Variants in LRIF1 observed in about 807,000 individuals in gnomAD.
The protein encoded by LRIF1 is ligand dependent nuclear receptor interacting factor 1, also known as ligand-dependent nuclear receptor-interacting factor 1.
A neutral mutation model predicts 52.7 loss-of-function variants in LRIF1; 32 were observed. The observed-to-expected ratio is 0.61, with a 90% CI of 0.46 to 0.82. LRIF1 has a LOEUF of 0.82. Ranked by LOEUF, LRIF1 falls within the 40% of genes least tolerant of loss-of-function variation. The pLI, the probability that LRIF1 is intolerant of heterozygous loss-of-function variation, is 0.00. For synonymous variants in LRIF1, 323 were observed against 317.4 expected (o/e 1.02, Z -0.19); for missense variants, 887 against 892.0 (o/e 0.99, Z 0.07).
the LRIF1 span, among the ~76,000 whole-genome samples, chr1:110,912,554 A>G: frequency 6.6e-6 from 1 of 152,174 alleles, no homozygotes; most frequent in African/African-American, 2.4e-5. Flanking sequence ...CTGAGAGCCA[A>G]ATCAGGAATG....
the LRIF1 span, among the ~76,000 whole-genome samples, chr1:110,910,627 A>AACAAT: frequency 7.9e-5 from 12 of 152,028 alleles, no homozygotes; most frequent in African/African-American, 1.7e-4. Context: ...AACAAAACAA[A>AACAAT]CCTGAAAATC....
chr1:110,902,055 C>A, the LRIF1 span, among the ~76,000 whole-genome samples: 8 of 152,360 alleles, frequency 5.3e-5, no homozygotes, highest in African/African-American at 1.9e-4. Flanking sequence ...ATTTCATTAA[C>A]TTGCCTGTAT....
chr1:110,914,909 A>G, the LRIF1 span, among the ~76,000 whole-genome samples: 15 of 152,234 alleles, frequency 9.9e-5, no homozygotes, highest in Non-Finnish European at 1.8e-4. Flanking sequence ...GTCATTACAT[A>G]GTAGAATTGA....
At chr1:110,901,326 C>T in the LRIF1 span, among the ~76,000 whole-genome samples, 4 of 151,928 alleles carry the variant, frequency 2.6e-5, no homozygotes, top group African/African-American at 7.2e-5. Flanking sequence ...TACAAGCACA[C>T]GCCACCACGC....
chr1:110,951,319 T>A lies in LRIF1; in HGVS notation c.1565A>T (p.Gln522Leu). ...SSVDATTVTS[Q>L]QCVFRDQEPK... ...TTCTTGGTCTCTGAAAACACACTGT[T>A]GTGAAGTAACAGTTGTTGCATCAAC... is the stretch of plus-strand genomic sequence containing the variant. Residue 522 changes from glutamine to leucine, a missense_variant, in exon 2 of 4, where the codon CAA becomes CTA. Transcript: ENST00000369763. 1 of 1,613,978 alleles carries A rather than the reference T, an allele frequency of 6.2e-7. No individual in the cohort carries two copies. Among genetic ancestry groups the A allele is most frequent in the South Asian group, 1.1e-5 (1 of 91,064 alleles).
At chr1:110,894,250 T>C in the LRIF1 span, 60 of 1,292,890 alleles carry the variant, frequency 4.6e-5, no homozygotes, top group Middle Eastern at 7.3e-4. Flanking sequence ...CAAATGCCCC[T>C]GGATGCTCCC....
the LRIF1 span, among the ~76,000 whole-genome samples, chr1:110,904,052 G>A: frequency 6.6e-6 from 1 of 152,206 alleles, no homozygotes; most frequent in Non-Finnish European, 1.5e-5. Flanking sequence ...CTTTGGAAAG[G>A]GGAGGGAAGA....
At chr1:110,957,962 G>A (rs1037873807) in intron 1 of LRIF1, among the ~76,000 whole-genome samples, 1 of 152,142 alleles carries the variant, frequency 6.6e-6, no homozygotes, top group Non-Finnish European at 1.5e-5. Context: ...CTCATCAGAT[G>A]TGTCTAGCAC....
chr1:110,887,217 C>T, the LRIF1 span, among the ~76,000 whole-genome samples: 1 of 152,036 alleles, frequency 6.6e-6, no homozygotes, highest in Admixed American at 6.6e-5. Flanking sequence ...GCGCCCACCA[C>T]CACGCCTGGC....
the LRIF1 span, chr1:110,891,331 C>A: frequency 8.7e-7 from 1 of 1,152,224 alleles, no homozygotes; most frequent in Non-Finnish European, 1.3e-6. Context: ...CATTTGTGCA[C>A]TCTGATCTCT....
intron 2 of LRIF1, among the ~76,000 whole-genome samples, chr1:110,950,848 A>AC (rs1658439901): frequency 6.6e-6 from 1 of 151,878 alleles, no homozygotes; most frequent in African/African-American, 2.4e-5. Context: ...CCACAAAAAA[A>AC]CCCCACAAAA....
chr1:110,945,568 G>A (rs889164561), downstream of LRIF1, among the ~76,000 whole-genome samples: 1 of 152,078 alleles, frequency 6.6e-6, no homozygotes, highest in African/African-American at 2.4e-5. Context: ...CGAGATTACA[G>A]GCATGCACAA....
rs1457985963 is a variant in LRIF1, at chr1:110,947,569, T to G, written c.*390A>C. The G allele has an allele frequency of 1.2e-4, 19 of 158,408 alleles. No individual in the cohort carries two copies. The highest frequency in any genetic ancestry group is 1.2e-3 in the Admixed American group (19 of 15,922). 9.8% of individuals were successfully genotyped at this position (158,408 alleles called of 1,614,324 possible). A position where few individuals can be genotyped will look rare whatever the true frequency, so the allele number is the denominator to read the frequency against. ...TGGAAAAGCTAAGTTTGGAGCTGAT[T>G]TCCTCTCTTGAATTGTAAAATTTCA... On this transcript the variant is annotated 3_prime_UTR_variant, in exon 4 of 4. Coordinates refer to ENST00000369763, the MANE Select transcript of LRIF1 (RefSeq NM_018372.4).
At chr1:110,883,772 A>G in the LRIF1 span, among the ~76,000 whole-genome samples, 5 of 151,962 alleles carry the variant, frequency 3.3e-5, no homozygotes, top group African/African-American at 1.2e-4. Flanking sequence ...AGACTTGGTA[A>G]TTTGTGCCTT....
chr1:110,931,041 T>C, the LRIF1 span, among the ~76,000 whole-genome samples: 1 of 152,068 alleles, frequency 6.6e-6, no homozygotes, highest in African/African-American at 2.4e-5. Context: ...ACATGCAGGT[T>C]TATTACATAG....
the LRIF1 span, among the ~76,000 whole-genome samples, chr1:110,912,843 T>G: frequency 1.3e-5 from 2 of 152,204 alleles, no homozygotes; most frequent in African/African-American, 2.4e-5. Flanking sequence ...AAAATTCACA[T>G]GGGTCTAGAA....
intron 1 of LRIF1, among the ~76,000 whole-genome samples, chr1:110,961,772 A>T (rs1658960241): frequency 6.6e-6 from 1 of 152,160 alleles, no homozygotes; most frequent in African/African-American, 2.4e-5. Flanking sequence ...AGGGCCGTTA[A>T]TATTATTTAC....
At chr1:110,930,398 G>C in the LRIF1 span, among the ~76,000 whole-genome samples, 4 of 152,134 alleles carry the variant, frequency 2.6e-5, no homozygotes, top group Admixed American at 2.6e-4. Flanking sequence ...TGAAAGCTAG[G>C]ATCAAGAGTT....
the LRIF1 span, chr1:110,899,192 A>G: frequency 6.2e-7 from 1 of 1,611,476 alleles, no homozygotes. Context: ...CCATAGGGCT[A>G]TGATCTGCAG....
Sources: gnomAD v4.1 joint callset for allele counts (sites outside exome capture counted in the v4.1 genomes callset) on GRCh38, gnomAD v4.1.1 for gene constraint, MANE v1.5 for transcripts, NCBI Gene and HGNC (gene_info 2026-07-23, HGNC 2026-07-21) for gene names.